TENM2: variants seen among roughly 807,000 people sequenced by gnomAD.
The protein encoded by TENM2 is teneurin-2.
In TENM2, 52 loss-of-function variants were observed where a neutral mutation model predicts 245.2. That is an observed-to-expected ratio of 0.21 (90% CI 0.17 to 0.27). The LOEUF is 0.27. Ranked by LOEUF, TENM2 falls within the 10% of genes least tolerant of loss-of-function variation. The probability of loss-of-function intolerance (pLI) is 1.00; values close to 1 mark genes in which losing one functional copy is unlikely to be tolerated. For synonymous variants in TENM2, 1,363 were observed against 1,438.9 expected, an observed-to-expected ratio of 0.95 and a Z score of 1.19; for missense variants, 3,046 against 3,666.8, an observed-to-expected ratio of 0.83 and a Z score of 4.37.
At chr5:167,115,883 C>T in the TENM2 span, among the ~76,000 whole-genome samples, 7 of 152,130 alleles carry the variant, frequency 4.6e-5, no homozygotes, top group African/African-American at 9.7e-5. Flanking sequence ...AGACCCTCTA[C>T]GTTTGAAGCC....
At chr5:167,242,551 G>A in the TENM2 span, among the ~76,000 whole-genome samples, 1 of 152,046 alleles carries the variant, frequency 6.6e-6, no homozygotes, top group African/African-American at 2.4e-5. Flanking sequence ...AACCCCTCCT[G>A]TTCCTCTTCT....
At chr5:168,077,333 T>A (rs1197175429) in intron 7 of TENM2, among the ~76,000 whole-genome samples, 1 of 152,156 alleles carries the variant, frequency 6.6e-6, no homozygotes, top group Non-Finnish European at 1.5e-5. Context: ...TTTTCATTCA[T>A]GCAATAAAGA....
chr5:167,037,666 G>A, the TENM2 span, among the ~76,000 whole-genome samples: 2 of 152,090 alleles, frequency 1.3e-5, no homozygotes, highest in Non-Finnish European at 2.9e-5. Flanking sequence ...AACTGCTTTT[G>A]CCACCCCAAG....
At chr5:167,557,475 TG>T (rs887393362) in intron 2 of TENM2, among the ~76,000 whole-genome samples, 2 of 152,178 alleles carry the variant, frequency 1.3e-5, no homozygotes, top group African/African-American at 4.8e-5. Flanking sequence ...ATTCATAAAA[TG>T]GGAATAATAA....
At chr5:167,575,775 G>A (rs758331741) in intron 2 of TENM2, among the ~76,000 whole-genome samples, 2 of 152,216 alleles carry the variant, frequency 1.3e-5, no homozygotes, top group African/African-American at 2.4e-5. Context: ...TGATGCAATC[G>A]TGCTGGTGGT....
intron 5 of TENM2, among the ~76,000 whole-genome samples, chr5:168,036,752 T>C (rs545080273): frequency 1.9e-4 from 28 of 145,462 alleles, no homozygotes; most frequent in South Asian, 8.5e-4. Flanking sequence ...TATATATATA[T>C]GTATGTGTAT....
chr5:167,582,412 C>A (rs1775154122), intron 2 of TENM2, among the ~76,000 whole-genome samples: 1 of 152,054 alleles, frequency 6.6e-6, no homozygotes, highest in Non-Finnish European at 1.5e-5. Flanking sequence ...TTTATAATCA[C>A]CTATCCTATG....
chr5:167,505,171 T>C (rs910141978), intron 2 of TENM2, among the ~76,000 whole-genome samples: 1 of 152,192 alleles, frequency 6.6e-6, no homozygotes, highest in Admixed American at 6.6e-5. Context: ...ATTTTCTTAG[T>C]AATGATTGAA....
intron 2 of TENM2, among the ~76,000 whole-genome samples, chr5:167,530,419 C>T (rs573116338): frequency 1.3e-5 from 2 of 152,308 alleles, no homozygotes; most frequent in Non-Finnish European, 2.9e-5. Context: ...GTGTTAGGCC[C>T]TGGGCTTAAT....
At chr5:167,380,100 A>G (rs919951969) in intron 2 of TENM2, among the ~76,000 whole-genome samples, 21 of 152,112 alleles carry the variant, frequency 1.4e-4, no homozygotes, top group Admixed American at 1.2e-3. Flanking sequence ...ACACAGACAC[A>G]AAATATCATA....
chr5:167,684,885 C>T (rs1756969547), intron 2 of TENM2, among the ~76,000 whole-genome samples: 1 of 152,144 alleles, frequency 6.6e-6, no homozygotes, highest in Admixed American at 6.5e-5. Flanking sequence ...AAAACTGCAA[C>T]ATACAGAGCT....
chr5:167,035,514 C>T, the TENM2 span, among the ~76,000 whole-genome samples: 1 of 152,206 alleles, frequency 6.6e-6, no homozygotes, highest in African/African-American at 2.4e-5. Flanking sequence ...GTTACCTCAA[C>T]TTTCTTCTAT....
At chr5:168,027,365 G>A (rs1293999855) in intron 5 of TENM2, among the ~76,000 whole-genome samples, 1 of 152,182 alleles carries the variant, frequency 6.6e-6, no homozygotes, top group Non-Finnish European at 1.5e-5. Flanking sequence ...CCCCTAGAAT[G>A]GCTTTTTGTT....
chr5:168,034,213 C>T (rs1372505533), intron 5 of TENM2, among the ~76,000 whole-genome samples: 3 of 145,960 alleles, frequency 2.1e-5, no homozygotes, highest in Middle Eastern at 3.8e-3. Flanking sequence ...AGTTGTGGCA[C>T]GTGCCTGTAA....
intron 2 of TENM2, among the ~76,000 whole-genome samples, chr5:167,610,007 A>G (rs1439211368): frequency 6.6e-6 from 1 of 152,078 alleles, no homozygotes; most frequent in East Asian, 1.9e-4. Context: ...TGTGACGTAC[A>G]CTTTTGATCG....
chr5:168,163,063 T>G (rs76767355), intron 13 of TENM2, among the ~76,000 whole-genome samples: 2,162 of 152,292 alleles, frequency 0.014, 55 homozygotes, highest in African/African-American at 0.049. Flanking sequence ...CTTTCAGGGC[T>G]GCGGATAACA....
At chr5:167,431,610 T>C (rs1473479635) in intron 2 of TENM2, among the ~76,000 whole-genome samples, 1 of 152,040 alleles carries the variant, frequency 6.6e-6, no homozygotes, top group African/African-American at 2.4e-5. Flanking sequence ...TAGATTGCAT[T>C]CAATCTTGAA....
intron 2 of TENM2, among the ~76,000 whole-genome samples, chr5:167,609,217 T>C (rs1777272159): frequency 6.6e-6 from 1 of 152,076 alleles, no homozygotes; most frequent in Non-Finnish European, 1.5e-5. Context: ...ATACCCATTG[T>C]ACAGATAACA....
At chr5:168,121,090 T>G (rs1795438060) in intron 10 of TENM2, among the ~76,000 whole-genome samples, 1 of 152,234 alleles carries the variant, frequency 6.6e-6, no homozygotes, top group Non-Finnish European at 1.5e-5. Context: ...CTTCAGGGGC[T>G]TATAGTACAT....
Sources: gnomAD v4.1 joint callset for allele counts (sites outside exome capture counted in the v4.1 genomes callset) on GRCh38, gnomAD v4.1.1 for gene constraint, MANE v1.5 for transcripts, NCBI Gene and HGNC (gene_info 2026-07-23, HGNC 2026-07-21) for gene names.